Variants in NRXN3 observed in about 807,000 individuals in gnomAD.
NRXN3 encodes the protein neurexin 3, also known as neurexin III.
NRXN3 carries 32 observed loss-of-function variants against 137.6 expected under a neutral mutation model. That is an observed-to-expected ratio of 0.23 (90% CI 0.18 to 0.31). NRXN3 has a LOEUF of 0.31. Among genes scored for constraint, NRXN3 ranks in the 10% least tolerant of loss-of-function variants. NRXN3 has a pLI of 1.00. For synonymous variants in NRXN3, 798 were observed against 784.5 expected, an observed-to-expected ratio of 1.02 and a Z score of -0.29; for missense variants, 1,574 against 2,062.5, an observed-to-expected ratio of 0.76 and a Z score of 4.59.
At chr14:79,543,727 G>C (rs529261799) in intron 16 of NRXN3, among the ~76,000 whole-genome samples, 2 of 152,332 alleles carry the variant, frequency 1.3e-5, no homozygotes, top group Non-Finnish European at 2.9e-5. Context: ...ATATGCCTGA[G>C]TGAAGCAGGC....
intron 8 of NRXN3, among the ~76,000 whole-genome samples, chr14:78,759,127 C>T (rs889182679): frequency 6.6e-6 from 1 of 152,200 alleles, no homozygotes; most frequent in Non-Finnish European, 1.5e-5. Flanking sequence ...AGATGTTAGG[C>T]ACTTTAGGTT....
At chr14:79,628,694 T>G (rs1461962853) in intron 16 of NRXN3, among the ~76,000 whole-genome samples, 1 of 152,172 alleles carries the variant, frequency 6.6e-6, no homozygotes, top group African/African-American at 2.4e-5. Context: ...AGGTACATAG[T>G]CAAGAGTTAG....
At chr14:79,778,874 G>A (rs1341687664) in intron 19 of NRXN3, among the ~76,000 whole-genome samples, 2 of 152,160 alleles carry the variant, frequency 1.3e-5, no homozygotes, top group African/African-American at 4.8e-5. Flanking sequence ...ACCTTTCACT[G>A]TAATATAGTG....
chr14:79,769,741 T>G (rs958983454), intron 19 of NRXN3, among the ~76,000 whole-genome samples: 3 of 151,196 alleles, frequency 2.0e-5, no homozygotes, highest in African/African-American at 7.3e-5. Flanking sequence ...CCAGCTAACA[T>G]CATAACGACA....
intron 15 of NRXN3, among the ~76,000 whole-genome samples, chr14:79,362,750 G>A (rs1299956936): frequency 6.6e-6 from 1 of 152,194 alleles, no homozygotes; most frequent in African/African-American, 2.4e-5. Flanking sequence ...CAGTCCCATG[G>A]CTGCTGCTAA....
chr14:79,001,509 C>T (rs902524165), intron 15 of NRXN3, among the ~76,000 whole-genome samples: 2 of 152,174 alleles, frequency 1.3e-5, no homozygotes, highest in Admixed American at 1.3e-4. Context: ...CACATTCTGT[C>T]GTCATTATGC....
intron 15 of NRXN3, among the ~76,000 whole-genome samples, chr14:79,184,998 A>C (rs4899733): frequency 0.036 from 5,432 of 152,234 alleles, 236 homozygotes; most frequent in East Asian, 0.21. Flanking sequence ...AACAAGCTTC[A>C]CATCTCAGAA....
At chr14:78,497,432 G>A (rs914784124) in intron 4 of NRXN3, among the ~76,000 whole-genome samples, 3 of 152,060 alleles carry the variant, frequency 2.0e-5, no homozygotes, top group Non-Finnish European at 2.9e-5. Context: ...AAAGCCACAA[G>A]CCCCAGCCTT....
In NRXN3 at chr14:78,480,298, A is replaced by G. The variant is rs545890258; in HGVS notation, c.758-164822A>G. Among the ~76,000 whole-genome samples the G allele has an allele frequency of 8.1e-4, 124 of 152,358 alleles. 1 individual carries two copies. The South Asian group carries it at 0.013, about 16-fold the overall frequency. ...TAACTTTCAAAACCACACTTGGCAC[A>G]TTCAACATAATTAGGTAATTGCACA... is the stretch of plus-strand genomic sequence containing the variant. On this transcript the variant is annotated intron_variant, in intron 4 of 20. Transcript: ENST00000335750.
At chr14:78,964,885 C>T (rs2099414593) in intron 11 of NRXN3, among the ~76,000 whole-genome samples, 2 of 151,912 alleles carry the variant, frequency 1.3e-5, no homozygotes, top group South Asian at 4.2e-4. Context: ...TCATTTGTAA[C>T]AGCTGAAGAT....
intron 10 of NRXN3, among the ~76,000 whole-genome samples, chr14:78,883,550 C>T (rs971340031): frequency 6.6e-6 from 1 of 152,186 alleles, no homozygotes; most frequent in African/African-American, 2.4e-5. Context: ...TGTCAGATTA[C>T]TTCTAATATC....
chr14:78,370,544 C>G (rs1245002998), intron 4 of NRXN3, among the ~76,000 whole-genome samples: 1 of 152,166 alleles, frequency 6.6e-6, no homozygotes, highest in African/African-American at 2.4e-5. Context: ...TCTCTAGACT[C>G]TAAATCTTTC....
intron 16 of NRXN3, among the ~76,000 whole-genome samples, chr14:79,468,756 G>C (rs1368807972): frequency 1.3e-5 from 2 of 152,152 alleles, no homozygotes; most frequent in African/African-American, 4.8e-5. Context: ...GCTGGAAGTC[G>C]GTCTAGCCCC....
chr14:78,722,372 G>A (rs1180768222), intron 8 of NRXN3, among the ~76,000 whole-genome samples: 1 of 152,172 alleles, frequency 6.6e-6, no homozygotes, highest in African/African-American at 2.4e-5. Context: ...GCTCAAAGCA[G>A]CTTAACTGCC....
At chr14:79,651,799 A>C (rs2098477368) in intron 16 of NRXN3, among the ~76,000 whole-genome samples, 1 of 152,188 alleles carries the variant, frequency 6.6e-6, no homozygotes, top group African/African-American at 2.4e-5. Context: ...GGGCTAGGCC[A>C]GAGCTAGAAG....
At chr14:78,808,579 G>T (rs575765327) in intron 9 of NRXN3, among the ~76,000 whole-genome samples, 94 of 152,080 alleles carry the variant, frequency 6.2e-4, no homozygotes, top group Non-Finnish European at 1.2e-3. Flanking sequence ...CCTCACCAGG[G>T]GCATGGCCTC....
chr14:79,029,833 T>G (rs1278216478), intron 15 of NRXN3, among the ~76,000 whole-genome samples: 2 of 151,064 alleles, frequency 1.3e-5, no homozygotes, highest in Admixed American at 6.6e-5. Flanking sequence ...CATTATGGTT[T>G]GTTTGTTTGT....
Position 78,479,418 on chromosome 14 carries a change from T to C in NRXN3, c.758-165702T>C, listed in dbSNP as rs535010776. On this transcript the variant is annotated intron_variant, in intron 4 of 20. Coordinates refer to ENST00000335750, the MANE Select transcript of NRXN3 (RefSeq NM_001330195.2). ...ATCTGGGATGGGAACCAAGAATTTG[T>C]ATTTCTAACACATCCTTGGGTGATG... Among the ~76,000 whole-genome samples, 6 of 152,352 alleles carry C rather than the reference T, an allele frequency of 3.9e-5. No individual in the cohort carries two copies. In the South Asian group the frequency reaches 1.2e-3, roughly 32 times the overall value.
chr14:78,520,476 A>G (rs1173445904), intron 4 of NRXN3, among the ~76,000 whole-genome samples: 1 of 152,138 alleles, frequency 6.6e-6, no homozygotes, highest in Non-Finnish European at 1.5e-5. Context: ...TTCAAGGTGA[A>G]ACTTTGAAGA....
Sources: gnomAD v4.1 joint callset for allele counts (sites outside exome capture counted in the v4.1 genomes callset) on GRCh38, gnomAD v4.1.1 for gene constraint, MANE v1.5 for transcripts, NCBI Gene and HGNC (gene_info 2026-07-23, HGNC 2026-07-21) for gene names.